The following SIDT1 variants were observed in gnomAD, a reference collection of about 807,000 sequenced individuals.
SIDT1 encodes SID1 transmembrane family member 1, also known as SID1 transmembrane family, member 1.
Under a neutral mutation model 107.5 loss-of-function variants are expected in SIDT1, and 101 were observed. The observed-to-expected ratio is 0.94, with a 90% CI of 0.80 to 1.11. The LOEUF (loss-of-function observed/expected upper bound fraction) is 1.11, where lower values mean the gene tolerates loss of function less well. Among genes scored for constraint, SIDT1 ranks in the 50% least tolerant of loss-of-function variants. The pLI is 0.00. For missense variants in SIDT1, 1,076 were observed against 1,058.2 expected, an observed-to-expected ratio of 1.02 and a Z score of -0.23; for synonymous variants, 395 against 398.2, an observed-to-expected ratio of 0.99 and a Z score of 0.10.
In SIDT1 at chr3:113,611,069, C is replaced by T. The variant is rs776083429; in HGVS notation, c.1782C>T (p.His594=). 4 of 1,614,054 alleles carry T rather than the reference C, an allele frequency of 2.5e-6. No individual in the cohort carries two copies. The highest frequency in any genetic ancestry group is 2.7e-5 in the African/African-American group (2 of 74,922). ...LCMLKLYQTR[H]PDINASAYSA... The stretch of plus-strand genomic sequence containing the variant: ...TGCTGAAGCTCTATCAGACCCGCCA[C>T]CCAGACATCAATGCCAGCGCCTACT... The change falls in exon 18 of 25, where the codon CAC becomes CAT. Residue 594 remains histidine (H), a synonymous_variant. Transcript: ENST00000264852.
intron 9 of SIDT1, chr3:113,592,710 C>G: frequency 3.0e-6 from 1 of 332,884 alleles, no homozygotes; most frequent in African/African-American, 2.1e-5. Context: ...GCCTCAGCCT[C>G]CCAAGTAGCT....
intron 3 of SIDT1, among the ~76,000 whole-genome samples, 199 bp from the exon 4 acceptor site, chr3:113,576,723 A>G (rs1003213984): frequency 1.8e-4 from 27 of 152,210 alleles, no homozygotes; most frequent in African/African-American, 6.5e-4. Flanking sequence ...CAGTTTGGTC[A>G]TTCTTGAGAG....
intron 4 of SIDT1, among the ~76,000 whole-genome samples, 158 bp from the exon 5 acceptor site, chr3:113,580,450 G>A (rs1485529849): frequency 6.6e-6 from 1 of 152,212 alleles, no homozygotes; most frequent in Non-Finnish European, 1.5e-5. Context: ...ACAGAGCCCT[G>A]CGCAGATTTA....
intron 1 of SIDT1, among the ~76,000 whole-genome samples, chr3:113,541,540 T>C (rs1310202077): frequency 6.6e-6 from 1 of 152,234 alleles, no homozygotes; most frequent in East Asian, 1.9e-4. Flanking sequence ...CTAAATTTTA[T>C]TCTCCAGGGA....
At position 113,585,247 on chromosome 3, in the gene SIDT1, T is replaced by C. The variant is rs1469535016; in HGVS notation, c.978T>C (p.Leu326=). 1.2e-6 allele frequency: 2 copies of C among 1,613,088 alleles called. No individual in the cohort carries two copies. The highest frequency in any genetic ancestry group is 1.7e-5 in the Admixed American group (1 of 60,006). ...TGTCCTTCTACTTGGGATGCCTTCTTGTTGGGTTTGTTCATTATCTGAGGT... is the reference window on the plus strand; with the variant it reads ...TGTCCTTCTACTTGGGATGCCTTCTCGTTGGGTTTGTTCATTATCTGAGGT... The part of the protein sequence containing the change: ...IFLSFYLGCL[L]VGFVHYLRFQ... Residue 326 remains leucine, a synonymous_variant, in exon 9 of 25, where the codon CTT becomes CTC. Transcript: ENST00000264852.
rs981684583 is a variant in SIDT1 at position 113,628,358 on chromosome 3, A to T, written c.*650A>T. On this transcript the variant is annotated 3_prime_UTR_variant, in exon 25 of 25. Transcript: ENST00000264852. ...TGTCACACATTCCTCTTAACAAGTA[A>T]CTGTCACTGGGACCGAGTCCTGGGT... The T allele has an allele frequency of 2.0e-5, 3 of 152,978 alleles. No homozygotes were observed. Among genetic ancestry groups the T allele is most frequent in the Middle Eastern group, 3.2e-3 (1 of 316 alleles). The allele number at this position is 152,978 out of a possible 1,614,324, so 9.5% of individuals were successfully genotyped here. A position where few individuals can be genotyped will look rare whatever the true frequency, so the allele number is the denominator to read the frequency against.
chr3:113,543,418 G>T (rs1939177262), intron 1 of SIDT1, among the ~76,000 whole-genome samples: 1 of 152,050 alleles, frequency 6.6e-6, no homozygotes. Flanking sequence ...AGGATTTTGG[G>T]GTTCTCTGAT....
chr3:113,562,523 A>T (rs74803054), intron 1 of SIDT1, among the ~76,000 whole-genome samples: 23,017 of 152,278 alleles, frequency 0.15, 1,830 homozygotes, highest in Non-Finnish European at 0.19. Context: ...ATGCAATGTA[A>T]TATTATTTAG....
Position 113,611,211 on chromosome 3 carries a change from C to G in SIDT1, c.1857+67C>G. ...CCCCCTAGGTCCAATAAACAAACAA[C>G]AATCAAGTGAACGGGTTTGGATTAA... is the stretch of plus-strand genomic sequence containing the variant. On this transcript the variant is annotated intron_variant, in intron 18 of 24. Transcript: ENST00000264852. 3 of 1,564,882 alleles carry G rather than the reference C, an allele frequency of 1.9e-6. 1 individual carries two copies. The South Asian group carries it at 3.5e-5, about 18-fold the overall frequency.
At chr3:113,556,821 C>CTTTTTTCT (rs1553782952) in intron 1 of SIDT1, among the ~76,000 whole-genome samples, 1 of 107,660 alleles carries the variant, frequency 9.3e-6, no homozygotes, top group Admixed American at 1.1e-4. Flanking sequence ...GTTTCTTTTT[C>CTTTTTTCT]TTTTTTTTTT....
At chr3:113,534,760 A>C (rs1344044569) in intron 1 of SIDT1, among the ~76,000 whole-genome samples, 1 of 152,238 alleles carries the variant, frequency 6.6e-6, no homozygotes, top group Non-Finnish European at 1.5e-5. Context: ...ACATGTGCTA[A>C]GTAAATCCTG....
chr3:113,594,929 G>A (rs1944430763), intron 10 of SIDT1: 1 of 154,354 alleles, frequency 6.5e-6, no homozygotes. Context: ...AGGGCTGGCA[G>A]TGACATGGGT....
chr3:113,589,301 A>G (rs1389794010), intron 9 of SIDT1, among the ~76,000 whole-genome samples: 3 of 152,188 alleles, frequency 2.0e-5, no homozygotes, highest in Non-Finnish European at 4.4e-5. Flanking sequence ...GCCTTATCCT[A>G]GCTTTGTAAA....
intron 20 of SIDT1, among the ~76,000 whole-genome samples, chr3:113,616,396 G>A (rs570187625): frequency 1.3e-5 from 2 of 152,248 alleles, no homozygotes; most frequent in South Asian, 4.2e-4. Flanking sequence ...ATATTTGCTA[G>A]TATATTAAAA....
At chr3:113,544,481 C>T (rs566765589) in intron 1 of SIDT1, among the ~76,000 whole-genome samples, 32 of 152,006 alleles carry the variant, frequency 2.1e-4, no homozygotes, top group Non-Finnish European at 4.0e-4. Flanking sequence ...TGAGCTACCA[C>T]GCAAGGACAG....
intron 10 of SIDT1, among the ~76,000 whole-genome samples, chr3:113,596,202 A>G (rs1944535886): frequency 6.6e-6 from 1 of 152,216 alleles, no homozygotes; most frequent in Non-Finnish European, 1.5e-5. Flanking sequence ...TTGTGGAGCT[A>G]GATATCTGTG....
At chr3:113,537,594 T>C (rs768235407) in intron 1 of SIDT1, among the ~76,000 whole-genome samples, 2 of 152,230 alleles carry the variant, frequency 1.3e-5, no homozygotes, top group Non-Finnish European at 2.9e-5. Context: ...GAGGAAAGAC[T>C]CATCTCATTA....
the SIDT1 span, among the ~76,000 whole-genome samples, chr3:113,635,621 C>T: frequency 6.6e-6 from 1 of 152,148 alleles, no homozygotes; most frequent in Non-Finnish European, 1.5e-5. Context: ...AATCCCAACA[C>T]TTTGGGAGGC....
intron 3 of SIDT1, among the ~76,000 whole-genome samples, chr3:113,569,915 T>G (rs1398723456): frequency 6.6e-6 from 1 of 152,156 alleles, no homozygotes. Context: ...TAATTTAATA[T>G]ATATTTTTTG....
Sources: gnomAD v4.1 joint callset for allele counts (sites outside exome capture counted in the v4.1 genomes callset) on GRCh38, gnomAD v4.1.1 for gene constraint, MANE v1.5 for transcripts, NCBI Gene and HGNC (gene_info 2026-07-23, HGNC 2026-07-21) for gene names.